Variants in STX8 observed in about 807,000 individuals in gnomAD.
The protein encoded by STX8 is syntaxin-8.
Under a neutral mutation model 37.5 loss-of-function variants are expected in STX8, and 23 were observed. The ratio of observed to expected loss-of-function variants is 0.61; its 90% confidence interval spans 0.44 to 0.87. STX8 has a LOEUF of 0.87. Among genes scored for constraint, STX8 ranks in the 40% least tolerant of loss-of-function variants. STX8 has a pLI of 0.00. For missense variants in STX8, 313 were observed against 284.7 expected (o/e 1.10, Z -0.71); for synonymous variants, 115 against 99.1 (o/e 1.16, Z -0.95).
At chr17:9,522,232 G>T (rs1390288684) in intron 4 of STX8, among the ~76,000 whole-genome samples, 1 of 152,122 alleles carries the variant, frequency 6.6e-6, no homozygotes, top group Non-Finnish European at 1.5e-5. Context: ...AGTAAAAGAT[G>T]AATGAGCTGC....
chr17:9,340,646 T>G (rs1266364556), intron 7 of STX8, among the ~76,000 whole-genome samples: 1 of 121,818 alleles, frequency 8.2e-6, no homozygotes, highest in East Asian at 2.5e-4. Context: ...AATGTTGCAC[T>G]TGATTTTTTT....
rs1159388418 is a variant in STX8 at position 9,559,758 on chromosome 17, A to ATTT, written c.118-2231_118-2230insAAA. ...TTTATATATATATATATATATATAT[A>ATTT]TATTTTTTTTTTTTTTTTTTTTGAG... is the stretch of plus-strand genomic sequence containing the variant. On this transcript the variant is annotated intron_variant, in intron 2 of 7. Transcript: ENST00000306357. Among the ~76,000 whole-genome samples the ATTT allele has an allele frequency of 5.5e-3, 157 of 28,322 alleles. 2 individuals are homozygous for ATTT. The highest frequency in any genetic ancestry group is 0.01 in the African/African-American group (74 of 7,392). 18.6% of individuals were successfully genotyped at this position (28,322 alleles called of 152,430 possible).
intron 6 of STX8, among the ~76,000 whole-genome samples, chr17:9,486,192 A>G (rs1487911117): frequency 6.6e-6 from 1 of 152,216 alleles, no homozygotes; most frequent in Non-Finnish European, 1.5e-5. Flanking sequence ...CCAAGATCTT[A>G]GATTCCAAAC....
chr17:9,568,725 C>T (rs1336773410), intron 1 of STX8, among the ~76,000 whole-genome samples: 1 of 152,198 alleles, frequency 6.6e-6, no homozygotes, highest in Non-Finnish European at 1.5e-5. Flanking sequence ...TGGTCTCGAT[C>T]TCCTGACCTC....
intron 2 of STX8, among the ~76,000 whole-genome samples, chr17:9,559,760 ATTT>A (rs60856219): frequency 4.1e-5 from 1 of 24,496 alleles, no homozygotes; most frequent in African/African-American, 1.9e-4. Flanking sequence ...ATATATATAT[ATTT>A]TTTTTTTTTT....
chr17:9,575,141 G>A (rs1352884678), intron 1 of STX8, among the ~76,000 whole-genome samples: 2 of 152,224 alleles, frequency 1.3e-5, no homozygotes, highest in Admixed American at 6.5e-5. Flanking sequence ...TCATCATGCA[G>A]TCCTTGGGAT....
rs1273196180 is a variant in STX8 at position 9,563,531 on chromosome 17, A to G, written c.117+4840T>C. Among the ~76,000 whole-genome samples, 7 of 152,132 alleles carry G rather than the reference A, an allele frequency of 4.6e-5. No individual in the cohort carries two copies. The East Asian group carries it at 1.2e-3, about 25-fold the overall frequency. On this transcript the variant is annotated intron_variant, in intron 2 of 7. Transcript: ENST00000306357. ...AAGGAAAAACATAACACACAGACAC[A>G]CAGAGACACACACATACACACGCAT...
chr17:9,279,068 GT>G (rs5819218), intron 7 of STX8, among the ~76,000 whole-genome samples: 86,288 of 144,726 alleles, frequency 0.6, 25,435 homozygotes, highest in African/African-American at 0.64. Context: ...TTTGTTTTTT[GT>G]TTTTTTTTTT....
chr17:9,546,530 T>A (rs1316660720), intron 3 of STX8, among the ~76,000 whole-genome samples: 1 of 149,316 alleles, frequency 6.7e-6, no homozygotes, highest in Non-Finnish European at 1.5e-5. Context: ...CCGGCGCCAC[T>A]TCCCTTGGAC....
intron 7 of STX8, among the ~76,000 whole-genome samples, chr17:9,320,762 G>A (rs1243161244): frequency 1.3e-5 from 2 of 151,808 alleles, no homozygotes; most frequent in Non-Finnish European, 2.9e-5. Flanking sequence ...TTAGCTGGGT[G>A]TGGTGGCGTG....
chr17:9,335,056 T>G (rs1429513521), intron 7 of STX8, among the ~76,000 whole-genome samples: 8 of 152,188 alleles, frequency 5.3e-5, no homozygotes, highest in African/African-American at 1.9e-4. Context: ...TGCTCTGACC[T>G]GAGTCACCTG....
intron 5 of STX8, among the ~76,000 whole-genome samples, chr17:9,498,968 C>T (rs559610471): frequency 8.9e-4 from 136 of 152,306 alleles, no homozygotes; most frequent in Non-Finnish European, 1.6e-3. Flanking sequence ...TCATCACCCA[C>T]CCATCTTCTG....
At chr17:9,304,135 A>G (rs1475097790) in intron 7 of STX8, among the ~76,000 whole-genome samples, 3 of 146,512 alleles carry the variant, frequency 2.0e-5, no homozygotes, top group Admixed American at 6.7e-5. Context: ...AAGAACATCA[A>G]CAGACTGTTA....
chr17:9,310,724 G>A (rs1436579179), intron 7 of STX8, among the ~76,000 whole-genome samples: 1 of 151,946 alleles, frequency 6.6e-6, no homozygotes, highest in African/African-American at 2.4e-5. Context: ...TTTTATAAAT[G>A]AAATACCTGA....
intron 7 of STX8, among the ~76,000 whole-genome samples, chr17:9,373,643 G>T (rs1567802010): frequency 6.6e-6 from 1 of 152,102 alleles, no homozygotes; most frequent in South Asian, 2.1e-4. Context: ...TTCAGTTTGG[G>T]ATGTTAAAAA....
chr17:9,288,149 A>C lies in STX8; in HGVS notation c.644-37504T>G, dbSNP rs1347005197. On this transcript the variant is annotated intron_variant, in intron 7 of 7. Coordinates refer to ENST00000306357, the MANE Select transcript of STX8 (RefSeq NM_004853.3). ...CAAACAAACAAACAAACAAAAAAAA[A>C]AAAAACCAAAAACAAAAAACCAACC... Among the ~76,000 whole-genome samples, 51 of 147,724 alleles carry C rather than the reference A, an allele frequency of 3.5e-4. 1 individual carries two copies. The highest frequency in any genetic ancestry group is 7.8e-4 in the East Asian group (4 of 5,122).
intron 6 of STX8, among the ~76,000 whole-genome samples, chr17:9,451,981 G>C (rs982168429): frequency 1.1e-4 from 17 of 152,096 alleles, no homozygotes; most frequent in African/African-American, 3.6e-4. Context: ...AAACATGGAA[G>C]GATTTATTGC....
At chr17:9,471,428 G>C (rs1014206135) in intron 6 of STX8, among the ~76,000 whole-genome samples, 1 of 152,060 alleles carries the variant, frequency 6.6e-6, no homozygotes, top group African/African-American at 2.4e-5. Flanking sequence ...TGGGATTACA[G>C]GCATGAGCCA....
rs369043031 is a variant in STX8 at position 9,421,047 on chromosome 17, T to C, written c.542-42394A>G. 1.3e-3 allele frequency among the ~76,000 whole-genome samples: 200 copies of C among 152,172 alleles called. 1 individual carries two copies. Among genetic ancestry groups the C allele is most frequent in the African/African-American group, 4.7e-3 (195 of 41,512 alleles). ...TCCAAATTCGTTTCCCCAACTTGAG[T>C]CCTTGGATCTCAATCCTATACCTAT... On this transcript the variant is annotated intron_variant, in intron 6 of 7. Transcript: ENST00000306357.
Sources: allele counts gnomAD v4.1 joint callset (sites outside exome capture counted in the v4.1 genomes callset), GRCh38; gene constraint gnomAD v4.1.1; transcripts MANE v1.5; gene names NCBI Gene and HGNC (gene_info 2026-07-23, HGNC 2026-07-21).